The following PRH1 variants were observed in gnomAD, a reference collection of about 807,000 sequenced individuals.
PRH1 encodes the protein proline rich protein HaeIII subfamily 1, also known as salivary acidic proline-rich phosphoprotein 1/2.
PRH1 carries 7 observed loss-of-function variants against 7.9 expected under a neutral mutation model. The ratio of observed to expected loss-of-function variants is 0.89; its 90% CI spans 0.50 to 1.67. The LOEUF (loss-of-function observed/expected upper bound fraction) is 1.67, where lower values mean the gene tolerates loss of function less well. PRH1 is among the 40% of genes most tolerant of loss of function. PRH1 has a pLI of 0.00. For synonymous variants in PRH1, 45 were observed against 80.8 expected (o/e 0.56, Z 2.38); for missense variants, 109 against 223.6 (o/e 0.49, Z 3.27).
At chr12:11,098,916 C>G (rs558090190) in intron 1 of PRH1, among the ~76,000 whole-genome samples, 11 of 152,234 alleles carry the variant, frequency 7.2e-5, no homozygotes, top group African/African-American at 2.6e-4. Flanking sequence ...AGAAGTTGTC[C>G]AGATGAAATT....
chr12:11,156,150 G>C, intron 1 of PRH1, among the ~76,000 whole-genome samples: 1 of 152,072 alleles, frequency 6.6e-6, no homozygotes, highest in East Asian at 1.9e-4. Flanking sequence ...TTCTGTTTAT[G>C]AAATGTCTGC....
chr12:11,162,978 G>C (rs1479377678), intron 1 of PRH1, among the ~76,000 whole-genome samples: 3 of 152,178 alleles, frequency 2.0e-5, no homozygotes, highest in Non-Finnish European at 2.9e-5. Flanking sequence ...ATAGTACTAT[G>C]AAGTGATACC....
intron 1 of PRH1, among the ~76,000 whole-genome samples, chr12:11,054,973 C>T (rs1224709399): frequency 6.7e-6 from 1 of 150,118 alleles, no homozygotes; most frequent in Non-Finnish European, 1.5e-5. Context: ...CTGCAAGCTC[C>T]ATCTCCCAGG....
rs780481499 is a variant in PRH1, at chr12:10,938,884, A to T, written c.-59+34771T>A. 1.9e-6 allele frequency: 3 copies of T among 1,613,848 alleles called. No individual in the cohort carries two copies. In the African/African-American group the frequency reaches 4.0e-5, roughly 22 times the overall value. Reference sequence around the variant, plus strand: ...AGTTAGAAAAATTGGCTATCTTGAGAAAATAAAAAGTACCGAGGCCTGTAG... The same window carrying T: ...AGTTAGAAAAATTGGCTATCTTGAGTAAATAAAAAGTACCGAGGCCTGTAG... On this transcript the variant is annotated intron_variant, in intron 2 of 3. Coordinates refer to the PRH1 transcript ENST00000539853.
In PRH1 at chr12:11,130,668, A is replaced by G. The variant is rs895264651; in HGVS notation, n.40-9488T>C. Among the ~76,000 whole-genome samples the G allele has an allele frequency of 7.0e-5, 10 of 143,650 alleles. 1 individual carries two copies. Among genetic ancestry groups the G allele is most frequent in the Admixed American group, 6.4e-4 (9 of 14,076 alleles). The allele number at this position is 143,650 out of a possible 152,430, so 94.2% of individuals were successfully genotyped here. ...CTGTGCATGTCTCTGACAAGCCTGT[A>G]GGAGAGGGGAGAGCAAATCCCTATG... On this transcript the variant is annotated intron_variant and non_coding_transcript_variant, in intron 1 of 1. Transcript: ENST00000541175.
intron 2 of PRH1, among the ~76,000 whole-genome samples, chr12:10,968,534 T>C (rs983022992): frequency 6.6e-6 from 1 of 152,228 alleles, no homozygotes; most frequent in East Asian, 1.9e-4. Context: ...AACACAATTA[T>C]TCTTTCTCCT....
Position 11,091,185 on chromosome 12 carries a change from G to A in PRH1, n.124-43997C>T, listed in dbSNP as rs1249589078. 1.9e-5 allele frequency: 16 copies of A among 821,196 alleles called. 1 individual carries two copies. The highest frequency in any genetic ancestry group is 1.7e-4 in the South Asian group (8 of 47,060). The allele number at this position is 821,196 out of a possible 1,614,324, so 50.9% of individuals were successfully genotyped here. A position where few individuals can be genotyped will look rare whatever the true frequency, so the allele number is the denominator to read the frequency against. On this transcript the variant is annotated intron_variant and non_coding_transcript_variant, in intron 1 of 4. Coordinates refer to the PRH1 transcript ENST00000541977. ...GGGTCAAAGACTTTTCTAGGTATACGTTTGGAAATTATTCATACACATACA... is the reference window on the plus strand; with the variant it reads ...GGGTCAAAGACTTTTCTAGGTATACATTTGGAAATTATTCATACACATACA...
intron 1 of PRH1, among the ~76,000 whole-genome samples, chr12:11,148,078 GCTCT>G (rs1229934406): frequency 6.9e-6 from 1 of 144,628 alleles, no homozygotes; most frequent in Admixed American, 7.1e-5. Flanking sequence ...TCATGATTTG[GCTCT>G]CTGTTTGTCT....
intron 1 of PRH1, among the ~76,000 whole-genome samples, chr12:11,066,214 T>C (rs543335787): frequency 1.9e-4 from 29 of 149,022 alleles, no homozygotes; most frequent in Admixed American, 8.1e-4. Context: ...GTTTTGTTTA[T>C]AGAACTATAA....
intron 1 of PRH1, among the ~76,000 whole-genome samples, chr12:11,108,788 C>A (rs534917048): frequency 6.6e-6 from 1 of 152,258 alleles, no homozygotes; most frequent in Non-Finnish European, 1.5e-5. Context: ...TTGTCATACC[C>A]CAGTGGTGCC....
intron 2 of PRH1, among the ~76,000 whole-genome samples, chr12:10,953,058 A>C (rs1335959544): frequency 6.6e-6 from 1 of 152,170 alleles, no homozygotes; most frequent in African/African-American, 2.4e-5. Context: ...ATCTACCAGA[A>C]ACAAACTCAT....
At chr12:11,130,805 A>G (rs531971288) in intron 1 of PRH1, among the ~76,000 whole-genome samples, 1 of 152,174 alleles carries the variant, frequency 6.6e-6, no homozygotes. Context: ...CCAAGCATAG[A>G]GTCACTCTAA....
At chr12:11,038,390 T>A (rs189035318) in intron 1 of PRH1, among the ~76,000 whole-genome samples, 607 of 152,312 alleles carry the variant, frequency 4.0e-3, no homozygotes, top group Non-Finnish European at 3.4e-3. Flanking sequence ...TTCTTGACTA[T>A]CCCAGTTGTT....
intron 2 of PRH1, among the ~76,000 whole-genome samples, chr12:10,970,967 T>C (rs1273643850): frequency 6.6e-6 from 1 of 152,244 alleles, no homozygotes; most frequent in Non-Finnish European, 1.5e-5. Flanking sequence ...ATATGTAGTT[T>C]CAGTGTAATT....
chr12:11,161,305 G>A (rs1947406366), intron 1 of PRH1, among the ~76,000 whole-genome samples: 1 of 152,182 alleles, frequency 6.6e-6, no homozygotes, highest in Non-Finnish European at 1.5e-5. Context: ...TTTACATTTT[G>A]GAGCTATTTG....
chr12:11,169,276 A>G (rs1270750186), intron 1 of PRH1, among the ~76,000 whole-genome samples: 1 of 152,252 alleles, frequency 6.6e-6, no homozygotes, highest in East Asian at 1.9e-4. Flanking sequence ...TGGATTAGGC[A>G]TTCAAATCTA....
At chr12:10,996,017 G>T (rs1459200214) in intron 1 of PRH1, among the ~76,000 whole-genome samples, 1 of 151,628 alleles carries the variant, frequency 6.6e-6, no homozygotes, top group Non-Finnish European at 1.5e-5. Flanking sequence ...AATTGTATTT[G>T]CTTTATATTA....
At chr12:10,990,615 T>C (rs1939888511) in intron 1 of PRH1, among the ~76,000 whole-genome samples, 1 of 152,164 alleles carries the variant, frequency 6.6e-6, no homozygotes, top group South Asian at 2.1e-4. Context: ...AATGGCATGA[T>C]CAAATTTGCA....
intron 1 of PRH1, chr12:11,078,097 G>T: frequency 1.6e-6 from 1 of 633,016 alleles, no homozygotes; most frequent in Non-Finnish European, 3.0e-6. Context: ...CACCAGAGCA[G>T]TGAGGATTTG....
Sources: allele counts gnomAD v4.1 joint callset (sites outside exome capture counted in the v4.1 genomes callset), GRCh38; gene constraint gnomAD v4.1.1; transcripts MANE v1.5; gene names NCBI Gene and HGNC (gene_info 2026-07-23, HGNC 2026-07-21).